CADPS: variants seen among roughly 807,000 people sequenced by gnomAD.
The protein encoded by CADPS is calcium-dependent secretion activator 1.
A neutral mutation model predicts 167.3 loss-of-function variants in CADPS; 57 were observed. The ratio of observed to expected loss-of-function variants is 0.34; its 90% CI spans 0.28 to 0.42. The LOEUF is 0.42. Among genes scored for constraint, CADPS ranks in the 20% least tolerant of loss-of-function variants. The pLI is 1.00. For synonymous variants in CADPS, 676 were observed against 635.3 expected, an observed-to-expected ratio of 1.06 and a Z score of -0.96; for missense variants, 1,414 against 1,738.1, an observed-to-expected ratio of 0.81 and a Z score of 3.32.
chr3:62,714,419 A>G (rs2084015204), intron 3 of CADPS, among the ~76,000 whole-genome samples: 2 of 152,272 alleles, frequency 1.3e-5, no homozygotes, highest in Admixed American at 1.3e-4. Context: ...CTGTTTTGGA[A>G]CTGCTGTTTA....
intron 1 of CADPS, among the ~76,000 whole-genome samples, chr3:62,825,330 C>T (rs537161488): frequency 2.0e-5 from 3 of 152,166 alleles, no homozygotes; most frequent in South Asian, 2.1e-4. Flanking sequence ...TAATCATAAA[C>T]GGGATCCCAA....
intron 13 of CADPS, among the ~76,000 whole-genome samples, chr3:62,531,147 C>G (rs1279017460): frequency 6.6e-6 from 1 of 152,100 alleles, no homozygotes; most frequent in Non-Finnish European, 1.5e-5. Flanking sequence ...AAAAACACTT[C>G]ATTATTTTAT....
chr3:62,533,122 A>G, intron 12 of CADPS, 64 bp from the exon 13 acceptor site: 1 of 1,449,766 alleles, frequency 6.9e-7, no homozygotes, highest in Non-Finnish European at 9.6e-7. Flanking sequence ...GAGCTGCTAG[A>G]GTTGGGAGTG....
At chr3:62,714,889 T>C (rs304201) in intron 3 of CADPS, among the ~76,000 whole-genome samples, 8,812 of 152,264 alleles carry the variant, frequency 0.058, 302 homozygotes, top group South Asian at 0.094. Context: ...TCACTATGTA[T>C]GAAGCTCATT....
intron 3 of CADPS, among the ~76,000 whole-genome samples, chr3:62,728,446 T>TA (rs2152091276): frequency 6.6e-6 from 1 of 152,052 alleles, no homozygotes; most frequent in African/African-American, 2.4e-5. Flanking sequence ...TTCTGGAAGA[T>TA]ACTGAGCCAA....
At chr3:62,410,093 C>A (rs2048673243) in intron 28 of CADPS, among the ~76,000 whole-genome samples, 1 of 152,050 alleles carries the variant, frequency 6.6e-6, no homozygotes, top group South Asian at 2.1e-4. Context: ...TTACCCCATG[C>A]CTGTAAGTGA....
At chr3:62,740,481 A>T (rs527744325) in intron 3 of CADPS, among the ~76,000 whole-genome samples, 1 of 152,338 alleles carries the variant, frequency 6.6e-6, no homozygotes, top group South Asian at 2.1e-4. Context: ...TACACTTATG[A>T]TACAAATTTG....
chr3:62,630,871 T>C (rs1429674903), intron 6 of CADPS, among the ~76,000 whole-genome samples: 2 of 152,186 alleles, frequency 1.3e-5, no homozygotes, highest in African/African-American at 2.4e-5. Context: ...GTGGTTTCAG[T>C]CACCCTGACA....
At position 62,601,344 on chromosome 3, in the gene CADPS, G is replaced by C. The variant is rs1038131108; in HGVS notation, c.1326-8596C>G. On this transcript the variant is annotated intron_variant, in intron 6 of 29. Transcript: ENST00000383710. This position sits in a 1 kb window ranked among gnomAD's most constrained non-coding sequence, Gnocchi z 4.3. ...ATGGCAGAATTGAGTAGTTATGACA[G>C]AGAATATAGGGCCAACAAACCGAAA... 2.0e-5 allele frequency among the ~76,000 whole-genome samples: 3 copies of C among 152,202 alleles called. No individual in the cohort carries two copies. Among genetic ancestry groups the C allele is most frequent in the African/African-American group, 7.2e-5 (3 of 41,440 alleles).
chr3:62,456,375 G>A (rs1428222426), intron 26 of CADPS, among the ~76,000 whole-genome samples: 5 of 152,006 alleles, frequency 3.3e-5, no homozygotes, highest in Non-Finnish European at 7.4e-5. Context: ...AAAAAGCCAG[G>A]GTGAAAATAA....
intron 1 of CADPS, among the ~76,000 whole-genome samples, chr3:62,780,268 A>G (rs2091311864): frequency 6.6e-6 from 1 of 152,188 alleles, no homozygotes; most frequent in Non-Finnish European, 1.5e-5. Flanking sequence ...TTTTCAAAAA[A>G]TTAGCCAGGC....
chr3:62,570,804 A>G, intron 9 of CADPS, 68 bp downstream of exon 9: 1 of 1,073,440 alleles, frequency 9.3e-7, no homozygotes, highest in Non-Finnish European at 1.4e-6. Flanking sequence ...TACCTCAGTT[A>G]AAAAGCATTC....
intron 19 of CADPS, 65 bp from the exon 20 acceptor site, chr3:62,492,511 G>A: frequency 4.7e-6 from 7 of 1,478,634 alleles, no homozygotes; most frequent in East Asian, 2.3e-5. Flanking sequence ...GACATAAGAC[G>A]TGAATTCCAG....
intron 27 of CADPS, chr3:62,440,610 T>C (rs893279782): frequency 6.7e-6 from 1 of 149,382 alleles, no homozygotes; most frequent in Non-Finnish European, 1.5e-5. Flanking sequence ...ATAAAAATGA[T>C]AAAGCCTCAG....
At chr3:62,711,350 C>A (rs569133904) in intron 3 of CADPS, among the ~76,000 whole-genome samples, 1 of 152,200 alleles carries the variant, frequency 6.6e-6, no homozygotes, top group African/African-American at 2.4e-5. Context: ...AATGTTTCTG[C>A]TAGTATTATT....
At chr3:62,607,072 C>T (rs1420436806) in intron 6 of CADPS, among the ~76,000 whole-genome samples, 1 of 152,246 alleles carries the variant, frequency 6.6e-6, no homozygotes, top group East Asian at 1.9e-4. Context: ...CTGTTAATCA[C>T]ATCATCCTGT....
At chr3:62,823,186 C>T (rs895438814) in intron 1 of CADPS, among the ~76,000 whole-genome samples, 5 of 152,178 alleles carry the variant, frequency 3.3e-5, no homozygotes, top group Admixed American at 6.5e-5. Flanking sequence ...GCAGCACTAA[C>T]TCAGGTGGTA....
chr3:62,655,046 T>A (rs1219849172), intron 4 of CADPS, among the ~76,000 whole-genome samples: 1 of 152,080 alleles, frequency 6.6e-6, no homozygotes, highest in South Asian at 2.1e-4. Flanking sequence ...CCAAATTCTA[T>A]CTAGCAAAAT....
At chr3:62,441,017 TA>T (rs2056220189) in intron 27 of CADPS, 1 of 152,208 alleles carries the variant, frequency 6.6e-6, no homozygotes, top group Non-Finnish European at 1.5e-5. Context: ...GAAGGTTGTG[TA>T]ATGCATTTCA....
Sources: gnomAD v4.1 joint callset for allele counts (sites outside exome capture counted in the v4.1 genomes callset) on GRCh38, gnomAD v4.1.1 for gene constraint, Gnocchi (gnomAD v3.1) non-coding constraint, MANE v1.5 for transcripts, NCBI Gene and HGNC (gene_info 2026-07-23, HGNC 2026-07-21) for gene names.